The following SIMC1 variants were observed in gnomAD, a reference collection of about 807,000 sequenced individuals.
SIMC1 encodes the protein SUMO interacting motifs containing 1, also known as SUMO-interacting motif-containing protein 1.
In SIMC1, 55 loss-of-function variants were observed where a neutral mutation model predicts 82.3. That is an observed-to-expected ratio of 0.67 (90% CI 0.54 to 0.84). SIMC1 has a LOEUF of 0.84. Ranked by LOEUF, SIMC1 falls within the 40% of genes least tolerant of loss-of-function variation. SIMC1 has a pLI of 0.00. For missense variants in SIMC1, 915 were observed against 1,107.2 expected, an observed-to-expected ratio of 0.83 and a Z score of 2.46; for synonymous variants, 353 against 426.3, an observed-to-expected ratio of 0.83 and a Z score of 2.12.
Position 176,290,043 on chromosome 5 carries a change from G to C in SIMC1, c.519G>C (p.Leu173Phe). Residue 173 changes from leucine (L) to phenylalanine (F), a missense_variant, in exon 2 of 10, where the codon TTG becomes TTC. By Grantham distance (22) the Leu-to-Phe change is conservative. Around this residue, in one of 2 missense-constraint regions of SIMC1, gnomAD observed 902 missense variants for 1,040.3 expected, o/e 0.87. Transcript: ENST00000429602. ...CATTCACAGGTAACCTCAGCTTCTT[G>C]GCAAGTCTACAGCTGTCTTCAGATG... ...SATFTGNLSF[L>F]ASLQLSSDVS... is the part of the protein sequence containing the mutation. 1.2e-6 allele frequency: 2 copies of C among 1,612,272 alleles called. No homozygotes were observed. The highest frequency in any genetic ancestry group is 1.7e-6 in the Non-Finnish European group (2 of 1,179,236).
At chr5:176,248,987 G>C (rs759979840) in intron 1 of SIMC1, among the ~76,000 whole-genome samples, 3 of 152,120 alleles carry the variant, frequency 2.0e-5, no homozygotes, top group African/African-American at 7.2e-5. Flanking sequence ...TTGATGTGCT[G>C]CTGGATTTGG....
At chr5:176,316,031 C>G (rs931079367) in intron 5 of SIMC1, among the ~76,000 whole-genome samples, 60 of 151,670 alleles carry the variant, frequency 4.0e-4, no homozygotes, top group African/African-American at 1.2e-3. Flanking sequence ...AAAAATTAGC[C>G]AGGCATGGTG....
At chr5:176,313,378 G>T (rs574515649) in intron 4 of SIMC1, 1 of 1,529,880 alleles carries the variant, frequency 6.5e-7, no homozygotes, top group East Asian at 2.4e-5. Flanking sequence ...GATTCCAGTA[G>T]ATATCTGATT....
chr5:176,304,021 AAC>A (rs1302219419), intron 4 of SIMC1, among the ~76,000 whole-genome samples: 4 of 152,194 alleles, frequency 2.6e-5, no homozygotes, highest in African/African-American at 9.7e-5. Context: ...TTACACCATA[AAC>A]ACAGGCAGCA....
intron 1 of SIMC1, among the ~76,000 whole-genome samples, chr5:176,276,179 C>T (rs1487446018): frequency 6.6e-6 from 1 of 151,712 alleles, no homozygotes; most frequent in Non-Finnish European, 1.5e-5. Flanking sequence ...AGAGATTCAA[C>T]TTCTTCCTGG....
intron 4 of SIMC1, among the ~76,000 whole-genome samples, chr5:176,305,716 A>C (rs2113318345): frequency 1.4e-5 from 1 of 73,110 alleles, no homozygotes; most frequent in South Asian, 5.1e-4. Context: ...TGGGGGGGTC[A>C]GCCCCCCGCC....
intron 1 of SIMC1, among the ~76,000 whole-genome samples, chr5:176,275,628 T>C (rs1581240364): frequency 2.0e-5 from 3 of 151,836 alleles, no homozygotes; most frequent in South Asian, 4.1e-4. Context: ...ATAGCTCTTA[T>C]TATTTTGAGA....
intron 4 of SIMC1, chr5:176,308,258 G>A (rs1764511209): frequency 1.3e-6 from 2 of 1,538,574 alleles, no homozygotes; most frequent in Admixed American, 3.4e-5. Flanking sequence ...TGCTGAAAAG[G>A]TTGATGCCAT....
chr5:176,314,640 G>A (rs1037093907), intron 5 of SIMC1, among the ~76,000 whole-genome samples: 3 of 152,176 alleles, frequency 2.0e-5, no homozygotes, highest in Non-Finnish European at 2.9e-5. Context: ...CAGAGTCAGA[G>A]TTTCTGGAAG....
chr5:176,253,845 T>C (rs900872092), intron 1 of SIMC1, among the ~76,000 whole-genome samples: 1 of 152,188 alleles, frequency 6.6e-6, no homozygotes, highest in Non-Finnish European at 1.5e-5. Flanking sequence ...AAAATGATAA[T>C]CTCGGTTTGT....
chr5:176,309,624 A>G (rs1246241430), intron 4 of SIMC1, among the ~76,000 whole-genome samples: 2 of 152,236 alleles, frequency 1.3e-5, no homozygotes, highest in Non-Finnish European at 2.9e-5. Context: ...TCAATTTGGA[A>G]TATTTAAAGT....
intron 7 of SIMC1, among the ~76,000 whole-genome samples, chr5:176,330,400 CAA>C (rs554910341): frequency 5.1e-4 from 48 of 94,120 alleles, no homozygotes; most frequent in East Asian, 6.3e-4. Context: ...GTCTCCATCT[CAA>C]AAAAAAAAAA....
intron 1 of SIMC1, among the ~76,000 whole-genome samples, chr5:176,266,015 G>C (rs2113159905): frequency 6.6e-6 from 1 of 152,236 alleles, no homozygotes; most frequent in Middle Eastern, 3.4e-3. Flanking sequence ...TCAAAGAGGG[G>C]AGCAACTGAC....
chr5:176,257,045 C>G (rs2075993225), intron 1 of SIMC1, among the ~76,000 whole-genome samples: 1 of 152,174 alleles, frequency 6.6e-6, no homozygotes, highest in African/African-American at 2.4e-5. Flanking sequence ...GTGTGAGCCA[C>G]CACACCTGGC....
At chr5:176,286,104 A>G (rs1486408474) in intron 1 of SIMC1, among the ~76,000 whole-genome samples, 1 of 152,302 alleles carries the variant, frequency 6.6e-6, no homozygotes, top group African/African-American at 2.4e-5. Context: ...GAAGCTACCA[A>G]TGACTTTCTT....
chr5:176,281,431 C>T (rs1763002996), intron 1 of SIMC1, among the ~76,000 whole-genome samples: 1 of 152,202 alleles, frequency 6.6e-6, no homozygotes, highest in East Asian at 1.9e-4. Flanking sequence ...CTCAACTCGT[C>T]AAAGTCATTC....
Position 176,297,672 on chromosome 5 carries a change from T to C in SIMC1, c.1734+1352T>C, listed in dbSNP as rs140563838. Among the ~76,000 whole-genome samples, 1,170 of 152,280 alleles carry C rather than the reference T, an allele frequency of 7.7e-3. 11 individuals are homozygous for C. The highest frequency in any genetic ancestry group is 0.027 in the African/African-American group (1,109 of 41,532). On this transcript the variant is annotated intron_variant, in intron 4 of 9. Transcript: ENST00000429602. ...CTTTTTGTCTGCTCACCTAAAGCAA[T>C]TGGCTAAAACAAATTACTTAGAATT... is the stretch of plus-strand genomic sequence containing the variant.
intron 1 of SIMC1, among the ~76,000 whole-genome samples, chr5:176,276,715 G>C (rs1762721128): frequency 7.0e-6 from 1 of 143,304 alleles, no homozygotes; most frequent in African/African-American, 2.6e-5. Context: ...TTTTGTTCTT[G>C]CGATAGTTTA....
intron 4 of SIMC1, among the ~76,000 whole-genome samples, chr5:176,310,082 A>C (rs1422895352): frequency 1.3e-5 from 2 of 152,246 alleles, no homozygotes; most frequent in Non-Finnish European, 2.9e-5. Flanking sequence ...GTCATCAGGG[A>C]ATGCAAATTG....
Sources: gnomAD v4.1 joint callset for allele counts (sites outside exome capture counted in the v4.1 genomes callset) on GRCh38, gnomAD v4.1.1 for gene constraint, gnomAD v4.1.1 regional missense constraint, MANE v1.5 for transcripts, NCBI Gene and HGNC (gene_info 2026-07-23, HGNC 2026-07-21) for gene names.